ZFAND3: variants seen among roughly 807,000 people sequenced by gnomAD.
ZFAND3 encodes AN1-type zinc finger protein 3.
In ZFAND3, 10 loss-of-function variants were observed where a neutral mutation model predicts 29.6. That is an observed-to-expected ratio of 0.34 (90% CI 0.21 to 0.57). ZFAND3 has a LOEUF of 0.57. Among genes scored for constraint, ZFAND3 ranks in the 20% least tolerant of loss-of-function variants. The pLI, the probability that ZFAND3 is intolerant of heterozygous loss-of-function variation, is 0.86. For missense variants in ZFAND3, 230 were observed against 304.5 expected (o/e 0.76, Z 1.82); for synonymous variants, 128 against 112.6 (o/e 1.14, Z -0.87).
intron 1 of ZFAND3, among the ~76,000 whole-genome samples, chr6:37,914,685 T>G (rs1761205512): frequency 1.3e-5 from 2 of 149,296 alleles, no homozygotes; most frequent in African/African-American, 5.0e-5. Context: ...TTTTTTTTAG[T>G]GGAGACGGGG....
intron 1 of ZFAND3, among the ~76,000 whole-genome samples, chr6:37,856,441 T>G (rs1764384474): frequency 6.6e-6 from 1 of 152,238 alleles, no homozygotes; most frequent in Non-Finnish European, 1.5e-5. Flanking sequence ...TCTTTCAGTA[T>G]TCAGCATATA....
chr6:38,112,012 C>G (rs1350611947), intron 4 of ZFAND3, among the ~76,000 whole-genome samples: 1 of 152,150 alleles, frequency 6.6e-6, no homozygotes, highest in East Asian at 1.9e-4. Flanking sequence ...ACTTGTCTCT[C>G]TGTCGAAAAT....
chr6:38,117,324 G>A (rs1191998417), intron 5 of ZFAND3, among the ~76,000 whole-genome samples: 1 of 148,914 alleles, frequency 6.7e-6, no homozygotes, highest in African/African-American at 2.5e-5. Flanking sequence ...AAAGTGCTGG[G>A]ATTACAGGCA....
chr6:38,154,533 TTA>T lies in ZFAND3; in HGVS notation c.*2145_*2146del. 1 of 979,236 alleles carries T rather than the reference TTA, an allele frequency of 1.0e-6. No individual in the cohort carries two copies. Among genetic ancestry groups the T allele is most frequent in the Non-Finnish European group, 1.2e-6 (1 of 823,874 alleles). 60.7% of individuals were successfully genotyped at this position (979,236 alleles called of 1,614,324 possible). On this transcript the variant is annotated 3_prime_UTR_variant, in exon 6 of 6. Coordinates refer to ENST00000287218, the MANE Select transcript of ZFAND3 (RefSeq NM_021943.3). The stretch of plus-strand genomic sequence containing the variant: ...TACACACATAGCCTAGAGCTCAGTT[TTA>T]GTTTTAACATTGTGAAAATATTAAA...
At chr6:38,131,679 T>C (rs1765745146) in intron 5 of ZFAND3, among the ~76,000 whole-genome samples, 2 of 152,204 alleles carry the variant, frequency 1.3e-5, no homozygotes, top group South Asian at 4.1e-4. Flanking sequence ...CTTGCCAGAC[T>C]CAAAAAATCT....
In ZFAND3 at chr6:38,021,213, G is replaced by A. The variant is rs190524198; in HGVS notation, c.113-40380G>A. 6.2e-3 allele frequency among the ~76,000 whole-genome samples: 949 copies of A among 152,238 alleles called. 6 individuals are homozygous for A. The highest frequency in any genetic ancestry group is 0.017 in the Middle Eastern group (5 of 294). ...ACAATTGGTTTTGAAATGAAAATCT[G>A]TTAGATTAGAGCAAACATTATCCCA... On this transcript the variant is annotated intron_variant, in intron 2 of 5. Coordinates refer to ENST00000287218, the MANE Select transcript of ZFAND3 (RefSeq NM_021943.3).
chr6:38,119,785 C>G (rs1581934310), intron 5 of ZFAND3, among the ~76,000 whole-genome samples: 1 of 152,210 alleles, frequency 6.6e-6, no homozygotes, highest in African/African-American at 2.4e-5. Flanking sequence ...CACACACAGA[C>G]ACATTCAGCT....
chr6:38,146,284 T>C (rs1273341116), intron 5 of ZFAND3, among the ~76,000 whole-genome samples: 1 of 152,184 alleles, frequency 6.6e-6, no homozygotes, highest in Non-Finnish European at 1.5e-5. Flanking sequence ...CTACTTGCTG[T>C]GGTTGGGCCT....
chr6:37,936,449 CTT>C (rs1761700118), intron 2 of ZFAND3, among the ~76,000 whole-genome samples: 1 of 152,174 alleles, frequency 6.6e-6, no homozygotes, highest in Admixed American at 6.5e-5. Flanking sequence ...ATAAGGCAAA[CTT>C]AATATATGTT....
chr6:38,041,628 CTTT>C lies in ZFAND3; in HGVS notation c.113-19962_113-19960del, dbSNP rs1194241426. On this transcript the variant is annotated intron_variant, in intron 2 of 5. Coordinates refer to ENST00000287218, the MANE Select transcript of ZFAND3 (RefSeq NM_021943.3). ...GATGTCACCACTGTTTTTTTATCTA[CTTT>C]TTCTTCTTCTTCTTCTTCTTCTTCT... is the stretch of plus-strand genomic sequence containing the variant. Among the ~76,000 whole-genome samples the C allele has an allele frequency of 8.2e-3, 532 of 64,950 alleles. 17 individuals carry two copies. The highest frequency in any genetic ancestry group is 0.025 in the African/African-American group (509 of 20,338). The allele number at this position is 64,950 out of a possible 152,430, so 42.6% of individuals were successfully genotyped here.
chr6:38,015,600 A>C (rs1038162515), intron 2 of ZFAND3, among the ~76,000 whole-genome samples: 2 of 152,240 alleles, frequency 1.3e-5, no homozygotes, highest in Non-Finnish European at 2.9e-5. Flanking sequence ...CTAGAACACT[A>C]TGCAGCTATT....
intron 1 of ZFAND3, 128 bp downstream of exon 1, chr6:37,820,144 A>T: frequency 3.0e-3 from 77 of 26,008 alleles, no homozygotes; most frequent in Non-Finnish European, 4.7e-3. Flanking sequence ...GCCTACGGGG[A>T]GGGGGTGGGG....
intron 1 of ZFAND3, among the ~76,000 whole-genome samples, chr6:37,878,736 A>T (rs942544473): frequency 6.6e-6 from 1 of 152,192 alleles, no homozygotes; most frequent in Admixed American, 6.5e-5. Context: ...TCTGGAAAGG[A>T]TTTGTCCTAG....
chr6:37,846,558 T>C (rs1581704819), intron 1 of ZFAND3, among the ~76,000 whole-genome samples: 1 of 152,204 alleles, frequency 6.6e-6, no homozygotes, highest in Non-Finnish European at 1.5e-5. Context: ...TTGCACGCTT[T>C]GACTACTCTT....
At chr6:37,833,215 A>AT (rs1763897695) in intron 1 of ZFAND3, 1 of 152,122 alleles carries the variant, frequency 6.6e-6, no homozygotes, top group East Asian at 1.9e-4. Flanking sequence ...TTTTATGTGA[A>AT]TTTTTTATTG....
intron 5 of ZFAND3, among the ~76,000 whole-genome samples, chr6:38,143,709 A>G (rs1766010262): frequency 6.6e-6 from 1 of 152,220 alleles, no homozygotes; most frequent in Non-Finnish European, 1.5e-5. Context: ...CTTTGGTTCC[A>G]GTGCCCTGGG....
chr6:38,084,908 C>G (rs1764728912), intron 4 of ZFAND3, among the ~76,000 whole-genome samples: 1 of 152,222 alleles, frequency 6.6e-6, no homozygotes, highest in African/African-American at 2.4e-5. Context: ...GAAGACTGTT[C>G]TGTGCCCTCT....
chr6:37,837,140 C>A (rs2127371515), intron 1 of ZFAND3, among the ~76,000 whole-genome samples: 1 of 152,184 alleles, frequency 6.6e-6, no homozygotes, highest in East Asian at 1.9e-4. Context: ...AAATATATTT[C>A]TTAAGAAAAG....
intron 2 of ZFAND3, among the ~76,000 whole-genome samples, chr6:38,024,629 G>A (rs556000609): frequency 6.6e-6 from 1 of 152,180 alleles, no homozygotes; most frequent in Non-Finnish European, 1.5e-5. Flanking sequence ...CCATGAAAAG[G>A]TATGAAGTAC....
Sources: gnomAD v4.1 joint callset for allele counts (sites outside exome capture counted in the v4.1 genomes callset) on GRCh38, gnomAD v4.1.1 for gene constraint, MANE v1.5 for transcripts, NCBI Gene and HGNC (gene_info 2026-07-23, HGNC 2026-07-21) for gene names.